The following LRRC28 variants were observed in gnomAD, a reference collection of about 807,000 sequenced individuals.
LRRC28 encodes leucine-rich repeat-containing protein 28.
LRRC28 carries 39 observed loss-of-function variants against 45.7 expected under a neutral mutation model. That is an observed-to-expected ratio of 0.85 (90% CI 0.66 to 1.12). LRRC28 has a LOEUF of 1.12. LRRC28 is among the 50% of genes most tolerant of loss of function. The pLI is 0.00. For missense variants in LRRC28, 435 were observed against 438.5 expected, an observed-to-expected ratio of 0.99 and a Z score of 0.07; for synonymous variants, 206 against 178.8, an observed-to-expected ratio of 1.15 and a Z score of -1.22.
At chr15:99,378,398 A>C (rs975762249) in intron 9 of LRRC28, among the ~76,000 whole-genome samples, 10 of 152,212 alleles carry the variant, frequency 6.6e-5, no homozygotes, top group Non-Finnish European at 1.5e-4. Flanking sequence ...TTGTATCCTG[A>C]GACTTTGCTG....
At chr15:99,356,865 A>G (rs1957061085) in intron 7 of LRRC28, among the ~76,000 whole-genome samples, 1 of 152,224 alleles carries the variant, frequency 6.6e-6, no homozygotes, top group South Asian at 2.1e-4. Flanking sequence ...GAAACTTTGA[A>G]GTCCAGAAAA....
At chr15:99,341,869 A>G (rs920899955) in intron 6 of LRRC28, among the ~76,000 whole-genome samples, 2 of 152,228 alleles carry the variant, frequency 1.3e-5, no homozygotes, top group Admixed American at 6.5e-5. Context: ...GAATTGACTT[A>G]AAAGCAAGAA....
intron 2 of LRRC28, among the ~76,000 whole-genome samples, chr15:99,260,716 G>C (rs2081172156): frequency 6.6e-6 from 1 of 152,154 alleles, no homozygotes; most frequent in Non-Finnish European, 1.5e-5. Context: ...AATGTTTGCT[G>C]ATGTTAAAAT....
intron 6 of LRRC28, among the ~76,000 whole-genome samples, chr15:99,348,396 T>C (rs1258360628): frequency 6.6e-6 from 1 of 152,208 alleles, no homozygotes; most frequent in African/African-American, 2.4e-5. Flanking sequence ...AGGAGCTTTA[T>C]GGTTTCAGGT....
At chr15:99,385,219 C>T (rs911782608) in intron 9 of LRRC28, among the ~76,000 whole-genome samples, 1 of 152,190 alleles carries the variant, frequency 6.6e-6, no homozygotes, top group Non-Finnish European at 1.5e-5. Flanking sequence ...GTGCCTCTCG[C>T]TGGCCTAACC....
chr15:99,363,087 A>AATTTTTTTTT lies in LRRC28; in HGVS notation c.872-19_872-18insATTTTTTTTT. The AATTTTTTTTT allele has an allele frequency of 6.3e-7, 1 of 1,592,142 alleles. No individual in the cohort carries two copies. The stretch of plus-strand genomic sequence containing the variant: ...TCTGATTTTTTTACTCGTGTGCGTG[A>AATTTTTTTTT]TTTTCTTTTGTGTTCCAGATTTGAA... On this transcript the variant is annotated intron_variant, in intron 8 of 9. Transcript: ENST00000301981.
intron 6 of LRRC28, among the ~76,000 whole-genome samples, chr15:99,340,192 T>A (rs1222947410): frequency 6.6e-6 from 1 of 152,218 alleles, no homozygotes; most frequent in African/African-American, 2.4e-5. Context: ...TTTTTTGTAG[T>A]GGTAGTACAC....
intron 5 of LRRC28, among the ~76,000 whole-genome samples, chr15:99,313,823 T>C (rs1035039864): frequency 1.3e-5 from 2 of 152,158 alleles, no homozygotes; most frequent in African/African-American, 2.4e-5. Context: ...CTGCCCCAAA[T>C]TGAGGGTGCT....
At chr15:99,292,359 C>CTTT (rs35435895) in intron 5 of LRRC28, among the ~76,000 whole-genome samples, 7 of 133,134 alleles carry the variant, frequency 5.3e-5, no homozygotes, top group Admixed American at 1.6e-4. Flanking sequence ...ATCGTACAGT[C>CTTT]TTTTTTTTTT....
chr15:99,339,132 G>A (rs1956420767), intron 6 of LRRC28, among the ~76,000 whole-genome samples: 1 of 152,246 alleles, frequency 6.6e-6, no homozygotes, highest in Non-Finnish European at 1.5e-5. Flanking sequence ...TTCTGAAAGT[G>A]TAGGGAGATA....
intron 5 of LRRC28, among the ~76,000 whole-genome samples, chr15:99,331,692 C>G (rs183358123): frequency 1.3e-5 from 2 of 152,302 alleles, no homozygotes; most frequent in African/African-American, 4.8e-5. Flanking sequence ...AGCTCTCTCT[C>G]TCTCTCTCTG....
intron 2 of LRRC28, chr15:99,258,650 G>T: frequency 1.3e-6 from 1 of 756,008 alleles, no homozygotes; most frequent in Non-Finnish European, 2.4e-6. Flanking sequence ...CAATATGGCA[G>T]AGACCATCCA....
intron 9 of LRRC28, among the ~76,000 whole-genome samples, chr15:99,363,863 T>C (rs1055300110): frequency 1.3e-5 from 2 of 152,162 alleles, no homozygotes; most frequent in Non-Finnish European, 2.9e-5. Flanking sequence ...AAATGAAAAA[T>C]TCCCCACTTG....
intron 5 of LRRC28, among the ~76,000 whole-genome samples, chr15:99,319,048 T>G (rs534843415): frequency 6.6e-6 from 1 of 152,182 alleles, no homozygotes; most frequent in Non-Finnish European, 1.5e-5. Flanking sequence ...ATCATTATTA[T>G]ATCATTCTTT....
Position 99,389,850 on chromosome 15 carries a change from C to G in LRRC28, c.*3748C>G, listed in dbSNP as rs1292174593. The G allele has an allele frequency of 1.3e-5, 2 of 152,196 alleles. No individual in the cohort carries two copies. Among genetic ancestry groups the G allele is most frequent in the African/African-American group, 4.8e-5 (2 of 41,444 alleles). The allele number at this position is 152,196 out of a possible 1,614,324, so 9.4% of individuals were successfully genotyped here. A position where few individuals can be genotyped will look rare whatever the true frequency, so the allele number is the denominator to read the frequency against. ...TCTAAAAATCAAGTCTCGGCAGTGG[C>G]TCATGCCTATAATCCCAGCACTTTG... On this transcript the variant is annotated 3_prime_UTR_variant, in exon 10 of 10. Transcript: ENST00000301981.
At chr15:99,285,600 T>C in intron 3 of LRRC28, 2 of 693,114 alleles carry the variant, frequency 2.9e-6, no homozygotes, top group Non-Finnish European at 2.6e-6. Context: ...GGAGAGACTT[T>C]AACGATGCTT....
chr15:99,374,812 C>T (rs1356800709), intron 9 of LRRC28, among the ~76,000 whole-genome samples: 2 of 151,944 alleles, frequency 1.3e-5, no homozygotes, highest in East Asian at 1.9e-4. Flanking sequence ...GGACTACAGG[C>T]GCCCACCACC....
chr15:99,323,477 A>G (rs1228383900), intron 5 of LRRC28, among the ~76,000 whole-genome samples: 1 of 152,202 alleles, frequency 6.6e-6, no homozygotes, highest in Non-Finnish European at 1.5e-5. Context: ...AGTGTGTGGG[A>G]CATCCTGAAT....
At chr15:99,347,424 G>T (rs375925091) in intron 6 of LRRC28, among the ~76,000 whole-genome samples, 2 of 152,282 alleles carry the variant, frequency 1.3e-5, no homozygotes, top group South Asian at 4.1e-4. Context: ...AGCCAGGATG[G>T]TCTTGATCTC....
Sources: gnomAD v4.1 joint callset for allele counts (sites outside exome capture counted in the v4.1 genomes callset) on GRCh38, gnomAD v4.1.1 for gene constraint, MANE v1.5 for transcripts, NCBI Gene and HGNC (gene_info 2026-07-23, HGNC 2026-07-21) for gene names.